The following NUP210L variants were observed in gnomAD, a reference collection of about 807,000 sequenced individuals.
The protein encoded by NUP210L is nuclear pore membrane glycoprotein 210-like.
A neutral mutation model predicts 208.5 loss-of-function variants in NUP210L; 74 were observed. That is an observed-to-expected ratio of 0.35 (90% CI 0.29 to 0.43). The LOEUF is 0.43. NUP210L is among the 20% of genes least tolerant of loss of function. The pLI, the probability that NUP210L is intolerant of heterozygous loss-of-function variation, is 1.00. For missense variants in NUP210L, 1,843 were observed against 2,289.4 expected (o/e 0.81, Z 3.98); for synonymous variants, 780 against 816.9 (o/e 0.95, Z 0.77).
chr1:154,017,349 C>T, intron 33 of NUP210L, among the ~76,000 whole-genome samples: 1 of 151,386 alleles, frequency 6.6e-6, no homozygotes, highest in East Asian at 1.9e-4. Context: ...TCACTAGCAC[C>T]AGTCTCCATA....
At chr1:154,010,538 G>A (rs558636859) in intron 34 of NUP210L, among the ~76,000 whole-genome samples, 9 of 152,040 alleles carry the variant, frequency 5.9e-5, no homozygotes, top group Non-Finnish European at 7.4e-5. Flanking sequence ...CACGCCTGGC[G>A]TCAGTGGGAG....
At chr1:154,122,043 C>T (rs2148107423) in intron 10 of NUP210L, among the ~76,000 whole-genome samples, 1 of 152,184 alleles carries the variant, frequency 6.6e-6, no homozygotes, top group African/African-American at 2.4e-5. Flanking sequence ...AACCTCTAGC[C>T]AGACTCAGAA....
chr1:154,134,022 C>T (rs1658387266), intron 7 of NUP210L, among the ~76,000 whole-genome samples: 1 of 151,462 alleles, frequency 6.6e-6, no homozygotes, highest in Non-Finnish European at 1.5e-5. Context: ...TGGTGGCGCA[C>T]ACCTGTAATC....
chr1:154,006,998 C>T (rs1173291941), intron 35 of NUP210L, among the ~76,000 whole-genome samples: 1 of 123,022 alleles, frequency 8.1e-6, no homozygotes. Flanking sequence ...GAGTTTCGCT[C>T]TTTCACCCAG....
intron 12 of NUP210L, among the ~76,000 whole-genome samples, chr1:154,117,110 G>C (rs1295224453): frequency 6.6e-6 from 1 of 152,090 alleles, no homozygotes; most frequent in African/African-American, 2.4e-5. Context: ...AATAAATACA[G>C]AATGCATTTC....
rs142226036 is a variant in NUP210L, at chr1:154,054,645, T to A, written c.3303+125A>T. On this transcript the variant is annotated intron_variant, in intron 24 of 39. Coordinates refer to ENST00000368559, the Ensembl canonical transcript of NUP210L. ...GGGAAAATACTAATCTTGTTCTTTA[T>A]CAGATCCACTAGTACTTGGGTGAGA... is the stretch of plus-strand genomic sequence containing the variant. The A allele has an allele frequency of 4.5e-4, 359 of 791,804 alleles. 1 individual carries two copies. The highest frequency in any genetic ancestry group is 6.9e-4 in the Non-Finnish European group (328 of 476,680). 49.0% of individuals were successfully genotyped at this position (791,804 alleles called of 1,614,324 possible).
At chr1:154,105,808 C>T (rs190721865) in intron 12 of NUP210L, among the ~76,000 whole-genome samples, 3 of 152,286 alleles carry the variant, frequency 2.0e-5, no homozygotes, top group African/African-American at 7.2e-5. Context: ...GCCCACTTCA[C>T]TGAAGGGAGA....
At chr1:154,004,075 G>GT (rs1307562989) in intron 35 of NUP210L, among the ~76,000 whole-genome samples, 59 of 144,372 alleles carry the variant, frequency 4.1e-4, no homozygotes, top group Non-Finnish European at 5.4e-4. Flanking sequence ...CCTGTTTTTT[G>GT]TTTTTTTTTT....
At chr1:154,153,183 T>C (rs1378282382) in intron 1 of NUP210L, among the ~76,000 whole-genome samples, 5 of 152,146 alleles carry the variant, frequency 3.3e-5, no homozygotes, top group Admixed American at 2.6e-4. Flanking sequence ...GACTTTCTCA[T>C]ACTCTGAGGA....
At chr1:154,128,545 T>A (rs1658097709) in intron 8 of NUP210L, among the ~76,000 whole-genome samples, 1 of 151,018 alleles carries the variant, frequency 6.6e-6, no homozygotes, top group Non-Finnish European at 1.5e-5. Context: ...ATTTAGCTCA[T>A]CTCAGGTATA....
chr1:154,124,800 A>G (rs997547852), intron 10 of NUP210L, among the ~76,000 whole-genome samples: 2 of 152,010 alleles, frequency 1.3e-5, no homozygotes, highest in African/African-American at 4.8e-5. Flanking sequence ...AAAAATATAA[A>G]AATTAGCTGG....
intron 25 of NUP210L, among the ~76,000 whole-genome samples, chr1:154,050,152 GGAACCTTAGTAA>G (rs2147977917): frequency 6.6e-6 from 1 of 152,172 alleles, no homozygotes; most frequent in African/African-American, 2.4e-5. Flanking sequence ...CTCCTACTTA[GGAACCTTAGTAA>G]GTGACACTAC....
intron 7 of NUP210L, among the ~76,000 whole-genome samples, chr1:154,134,354 T>C (rs1356567625): frequency 6.6e-6 from 1 of 151,544 alleles, no homozygotes; most frequent in Non-Finnish European, 1.5e-5. Flanking sequence ...CAAATCATAT[T>C]TCAATTTTCT....
At chr1:154,083,868 G>A (rs1252160295) in intron 16 of NUP210L, among the ~76,000 whole-genome samples, 1 of 151,728 alleles carries the variant, frequency 6.6e-6, no homozygotes, top group Non-Finnish European at 1.5e-5. Flanking sequence ...ATGAAAGGGT[G>A]GGGGATGAGG....
rs925905680 is a variant in NUP210L at position 154,117,525 on chromosome 1, G to A, written c.1620+200C>T. Among the ~76,000 whole-genome samples, 4 of 152,106 alleles carry A rather than the reference G, an allele frequency of 2.6e-5. No individual in the cohort carries two copies. The East Asian group carries it at 7.7e-4, about 29-fold the overall frequency. On this transcript the variant is annotated intron_variant, in intron 12 of 39. Transcript: ENST00000368559. ...GAACCGGGGAGGCAGAGGTTGCAGT[G>A]AGTGAGCTGAGATCTTGCCACTGCA...
intron 12 of NUP210L, among the ~76,000 whole-genome samples, chr1:154,110,474 G>A (rs1206746401): frequency 2.0e-5 from 3 of 151,100 alleles, no homozygotes. Flanking sequence ...GTTTCACCAT[G>A]TTGGTCAGGA....
chr1:154,024,751 T>C (rs1286573411), intron 30 of NUP210L, among the ~76,000 whole-genome samples: 1 of 150,794 alleles, frequency 6.6e-6, no homozygotes, highest in Non-Finnish European at 1.5e-5. Flanking sequence ...AGGCTGGTCT[T>C]AAACTCTTGG....
At chr1:154,086,257 A>G (rs1180746480) in intron 16 of NUP210L, among the ~76,000 whole-genome samples, 1 of 151,890 alleles carries the variant, frequency 6.6e-6, no homozygotes, top group Non-Finnish European at 1.5e-5. Context: ...AAACAAAACA[A>G]AACCAAAACA....
chr1:154,025,830 C>A (rs1382477541), intron 29 of NUP210L, 114 bp from the exon 30 acceptor site: 1 of 793,134 alleles, frequency 1.3e-6, no homozygotes, highest in Non-Finnish European at 2.0e-6. Context: ...AACTGCTTGC[C>A]ATTCTCCACG....
Sources: allele counts gnomAD v4.1 joint callset (sites outside exome capture counted in the v4.1 genomes callset), GRCh38; gene constraint gnomAD v4.1.1; transcripts MANE v1.5; gene names NCBI Gene and HGNC (gene_info 2026-07-23, HGNC 2026-07-21).